Variants in HTR4 observed in about 807,000 individuals in gnomAD.
HTR4 encodes 5-hydroxytryptamine receptor 4.
A neutral mutation model predicts 36.8 loss-of-function variants in HTR4; 16 were observed. The ratio of observed to expected loss-of-function variants is 0.43; its 90% CI spans 0.29 to 0.66. HTR4 has a LOEUF of 0.66. HTR4 is among the 30% of genes least tolerant of loss of function. The pLI, the probability that HTR4 is intolerant of heterozygous loss-of-function variation, is 0.13. For missense variants in HTR4, 438 were observed against 490.9 expected (o/e 0.89, Z 1.02); for synonymous variants, 189 against 185.1 (o/e 1.02, Z -0.17).
At chr5:148,540,248 G>A (rs1759039472) in intron 4 of HTR4, among the ~76,000 whole-genome samples, 1 of 151,126 alleles carries the variant, frequency 6.6e-6, no homozygotes, top group Admixed American at 6.6e-5. Context: ...AGGGAGAGGA[G>A]TAGAAAATCA....
intron 2 of HTR4, among the ~76,000 whole-genome samples, chr5:148,560,196 C>G (rs1356579682): frequency 7.8e-6 from 1 of 128,108 alleles, no homozygotes; most frequent in Non-Finnish European, 1.6e-5. Context: ...TTACGGAAAG[C>G]TTTTTTTTTA....
chr5:148,516,203 G>A (rs956084328), intron 5 of HTR4, among the ~76,000 whole-genome samples: 1 of 150,086 alleles, frequency 6.7e-6, no homozygotes, highest in Middle Eastern at 3.3e-3. Flanking sequence ...CTAAATTCCA[G>A]TTTACTACAG....
At chr5:148,611,287 G>T (rs1177040706) in intron 2 of HTR4, among the ~76,000 whole-genome samples, 1 of 151,828 alleles carries the variant, frequency 6.6e-6, no homozygotes, top group Non-Finnish European at 1.5e-5. Context: ...GAAAGGTCGG[G>T]TTACTCTCAA....
Position 148,532,536 on chromosome 5 carries a change from C to G in HTR4, c.354-9190G>C, listed in dbSNP as rs1231124632. 4.6e-5 allele frequency among the ~76,000 whole-genome samples: 7 copies of G among 152,280 alleles called. No homozygotes were observed. In the South Asian group the frequency reaches 6.2e-4, roughly 14 times the overall value. On this transcript the variant is annotated intron_variant, in intron 4 of 6. Transcript: ENST00000377888. ...TATCTAGCAGAGGGATGGGGAAAGG[C>G]TTTCTTCAATAGCGGTTTTTTAAGT... is the stretch of plus-strand genomic sequence containing the variant.
At chr5:148,574,756 C>A (rs116001856) in intron 2 of HTR4, among the ~76,000 whole-genome samples, 6 of 152,008 alleles carry the variant, frequency 3.9e-5, no homozygotes, top group Non-Finnish European at 5.9e-5. Flanking sequence ...CTGTAATATA[C>A]GGTGCTTCTT....
At chr5:148,483,646 T>C (rs1461864042) in intron 6 of HTR4, among the ~76,000 whole-genome samples, 4 of 152,228 alleles carry the variant, frequency 2.6e-5, no homozygotes, top group East Asian at 1.9e-4. Context: ...GTTCATTATA[T>C]ATTATAGTTT....
At chr5:148,576,375 A>G (rs1245215566) in intron 2 of HTR4, among the ~76,000 whole-genome samples, 7 of 151,892 alleles carry the variant, frequency 4.6e-5, no homozygotes, top group Admixed American at 4.6e-4. Flanking sequence ...AAATCAATAT[A>G]AAAATGGCTA....
chr5:148,644,714 C>A (rs1463355518), intron 1 of HTR4: 1 of 152,096 alleles, frequency 6.6e-6, no homozygotes, highest in East Asian at 1.9e-4. Flanking sequence ...GATGTGGATA[C>A]TCCCGCACCC....
At chr5:148,465,980 G>C in intron 5 of HTR4, 2 of 1,581,436 alleles carry the variant, frequency 1.3e-6, no homozygotes, top group African/African-American at 1.4e-5. Context: ...GCAGAATTTG[G>C]GAAAGAAAAA....
At chr5:148,583,504 T>C (rs1412247987) in intron 2 of HTR4, among the ~76,000 whole-genome samples, 1 of 151,946 alleles carries the variant, frequency 6.6e-6, no homozygotes, top group Admixed American at 6.6e-5. Context: ...AGGCTAATAA[T>C]ACTCATATTT....
At chr5:148,576,110 C>CAAAAA (rs781780161) in intron 2 of HTR4, among the ~76,000 whole-genome samples, 40 of 32,668 alleles carry the variant, frequency 1.2e-3, no homozygotes, top group South Asian at 1.8e-3. Flanking sequence ...GACTCCGTCT[C>CAAAAA]AAAAAAAAAA....
intron 2 of HTR4, among the ~76,000 whole-genome samples, chr5:148,566,970 T>A (rs1222686657): frequency 1.3e-5 from 2 of 152,150 alleles, no homozygotes; most frequent in Non-Finnish European, 2.9e-5. Flanking sequence ...TTGTGTTTTT[T>A]TTCAAAATGC....
At chr5:148,453,102 T>C (rs546541920) in intron 5 of HTR4, among the ~76,000 whole-genome samples, 1 of 152,324 alleles carries the variant, frequency 6.6e-6, no homozygotes, top group African/African-American at 2.4e-5. Context: ...GTGGTTCCTA[T>C]ATACGTCATT....
At chr5:148,650,055 T>G (rs918851152) in intron 1 of HTR4, among the ~76,000 whole-genome samples, 1 of 152,126 alleles carries the variant, frequency 6.6e-6, no homozygotes, top group South Asian at 2.1e-4. Context: ...ATTTGTAATT[T>G]TTGTGGGTAC....
At chr5:148,462,119 G>T (rs946658303) in intron 5 of HTR4, among the ~76,000 whole-genome samples, 1 of 151,830 alleles carries the variant, frequency 6.6e-6, no homozygotes, top group South Asian at 2.1e-4. Context: ...GTTAGAAAAA[G>T]AAGAGGAAAC....
chr5:148,605,165 T>A (rs987270402), intron 2 of HTR4, among the ~76,000 whole-genome samples: 1 of 152,022 alleles, frequency 6.6e-6, no homozygotes, highest in Non-Finnish European at 1.5e-5. Flanking sequence ...GCCGGGACAT[T>A]CCCCTGCTTG....
chr5:148,625,221 A>G (rs1753057832), intron 2 of HTR4, among the ~76,000 whole-genome samples: 1 of 152,192 alleles, frequency 6.6e-6, no homozygotes, highest in Admixed American at 6.5e-5. Context: ...CCAATCATGC[A>G]GAAAAGAGGT....
intron 6 of HTR4, among the ~76,000 whole-genome samples, chr5:148,492,992 C>T (rs1225671341): frequency 6.6e-6 from 1 of 152,190 alleles, no homozygotes. Flanking sequence ...AACACATTAG[C>T]CTAGAAGTGG....
chr5:148,499,657 T>C (rs1756845248), intron 6 of HTR4, among the ~76,000 whole-genome samples: 1 of 152,182 alleles, frequency 6.6e-6, no homozygotes, highest in Non-Finnish European at 1.5e-5. Flanking sequence ...AGAAAACTTG[T>C]GGTTGGAGGG....
Sources: gnomAD v4.1 joint callset for allele counts (sites outside exome capture counted in the v4.1 genomes callset) on GRCh38, gnomAD v4.1.1 for gene constraint, MANE v1.5 for transcripts, NCBI Gene and HGNC (gene_info 2026-07-23, HGNC 2026-07-21) for gene names.